Variants in PTPRN2 observed in about 807,000 individuals in gnomAD.
The protein encoded by PTPRN2 is receptor-type tyrosine-protein phosphatase N2.
Under a neutral mutation model 118.8 loss-of-function variants are expected in PTPRN2, and 74 were observed. That is an observed-to-expected ratio of 0.62 (90% CI 0.52 to 0.76). PTPRN2 has a LOEUF of 0.76. Among genes scored for constraint, PTPRN2 ranks in the 30% least tolerant of loss-of-function variants. PTPRN2 has a pLI of 0.00. For missense variants in PTPRN2, 1,481 were observed against 1,394.4 expected, an observed-to-expected ratio of 1.06 and a Z score of -0.99; for synonymous variants, 641 against 608.0, an observed-to-expected ratio of 1.05 and a Z score of -0.80.
chr7:158,472,632 G>A (rs1437005378), intron 2 of PTPRN2, among the ~76,000 whole-genome samples: 1 of 152,176 alleles, frequency 6.6e-6, no homozygotes, highest in Non-Finnish European at 1.5e-5. Context: ...CTCAGACCAT[G>A]AACATCACCC....
At chr7:158,018,365 C>A (rs1046687545) in intron 11 of PTPRN2, among the ~76,000 whole-genome samples, 6 of 149,520 alleles carry the variant, frequency 4.0e-5, no homozygotes, top group African/African-American at 1.5e-4. Context: ...AGAAGACAGG[C>A]GTAGCGTGCA....
intron 2 of PTPRN2, among the ~76,000 whole-genome samples, chr7:158,414,649 C>T (rs989265426): frequency 6.6e-6 from 1 of 152,264 alleles, no homozygotes. Context: ...AAAGCTGTCC[C>T]CACCGAGGTC....
At chr7:157,993,412 A>G (rs1804407476) in intron 11 of PTPRN2, among the ~76,000 whole-genome samples, 1 of 151,980 alleles carries the variant, frequency 6.6e-6, no homozygotes, top group African/African-American at 2.4e-5. Context: ...CAGAGCCAGG[A>G]CATACCCCAT....
chr7:158,499,837 G>T (rs1017572595), intron 1 of PTPRN2, among the ~76,000 whole-genome samples: 3 of 122,350 alleles, frequency 2.5e-5, no homozygotes, highest in Non-Finnish European at 5.6e-5. Flanking sequence ...ACCCTCCAGT[G>T]TGTGTATGTG....
chr7:158,524,489 T>C (rs538004747), intron 1 of PTPRN2, among the ~76,000 whole-genome samples: 32 of 125,506 alleles, frequency 2.5e-4, no homozygotes, highest in African/African-American at 8.0e-4. Context: ...TGGAGCGGAG[T>C]CTGCCCTGGA....
At chr7:157,911,856 C>T (rs552731223) in intron 11 of PTPRN2, among the ~76,000 whole-genome samples, 5 of 152,212 alleles carry the variant, frequency 3.3e-5, no homozygotes, top group African/African-American at 7.2e-5. Flanking sequence ...ATGTGCCTTC[C>T]GTCTTCTGCT....
In PTPRN2 at chr7:157,585,773, G is replaced by A. The variant is rs780165784; in HGVS notation, c.2497-7633C>T. ...GAGGGGAGGAGGAGTGGGGATGGGA[G>A]GAGCTGGCCGGAGGCTGGGAACCAA... On this transcript the variant is annotated intron_variant, in intron 17 of 22. Transcript: ENST00000389418. This position sits in a 1 kb window ranked among gnomAD's most constrained non-coding sequence, Gnocchi z 5.2. 2.4e-4 allele frequency among the ~76,000 whole-genome samples: 36 copies of A among 152,234 alleles called. No individual in the cohort carries two copies. Among genetic ancestry groups the A allele is most frequent in the Non-Finnish European group, 4.4e-4 (30 of 68,048 alleles).
At position 158,001,342 on chromosome 7, in the gene PTPRN2, A is replaced by G. The variant is rs1039974235; in HGVS notation, c.1723+79956T>C. On this transcript the variant is annotated intron_variant, in intron 11 of 22. Transcript: ENST00000389418. Reference sequence around the variant, plus strand: ...CTGTGCATGTCACAGAGGGGACCACACTCCACACTCACAGCAACCCAGAGG... The same window carrying G: ...CTGTGCATGTCACAGAGGGGACCACGCTCCACACTCACAGCAACCCAGAGG... 3.4e-4 allele frequency among the ~76,000 whole-genome samples: 28 copies of G among 82,752 alleles called. 1 individual carries two copies. The highest frequency in any genetic ancestry group is 6.9e-4 in the Admixed American group (5 of 7,282). 54.3% of individuals were successfully genotyped at this position (82,752 alleles called of 152,430 possible). A position where few individuals can be genotyped will look rare whatever the true frequency, so the allele number is the denominator to read the frequency against.
rs1585506984 is a variant in PTPRN2, at chr7:157,801,546, G to A, written c.1788+97127C>T. 6.6e-6 allele frequency among the ~76,000 whole-genome samples: 1 copy of A among 152,188 alleles called. No individual in the cohort carries two copies. The highest frequency in any genetic ancestry group is 1.5e-5 in the Non-Finnish European group (1 of 68,012). On this transcript the variant is annotated intron_variant, in intron 12 of 22. Transcript: ENST00000389418. This position sits in a 1 kb window ranked among gnomAD's most constrained non-coding sequence, Gnocchi z 4.2. ...TGCCCCACTGGGTTGAGAAATCTGTGGGTGATAGAGTATAGGTAAAAACAT... is the reference window on the plus strand; with the variant it reads ...TGCCCCACTGGGTTGAGAAATCTGTAGGTGATAGAGTATAGGTAAAAACAT...
intron 12 of PTPRN2, among the ~76,000 whole-genome samples, chr7:157,765,275 CCATT>C (rs1640412642): frequency 6.9e-6 from 1 of 144,766 alleles, no homozygotes; most frequent in African/African-American, 2.6e-5. Flanking sequence ...CATTCTTCCT[CCATT>C]CATCCACCCA....
At position 157,682,801 on chromosome 7, in the gene PTPRN2, C is replaced by A; in HGVS notation, c.1925G>T (p.Ser642Ile). ...ASGLIYCLRH[S>I]SQHRLKEKLS... ...CTTCTCCTTCAGCCTGTGCTGAGAG[C>A]TATGGCGGAGGCAGTAGATGAGGCC... The change falls in exon 13 of 23, where the codon AGC becomes ATC. Residue 642 changes from serine to isoleucine, a missense_variant. Ser to Ile is a moderately radical substitution (Grantham distance 142). This residue lies in a region of PTPRN2 where 1,115 missense variants were observed against 994.2 expected (regional missense o/e 1.12). Transcript: ENST00000389418. 2 of 1,614,120 alleles carry A rather than the reference C, an allele frequency of 1.2e-6. No individual in the cohort carries two copies. The highest frequency in any genetic ancestry group is 1.7e-6 in the Non-Finnish European group (2 of 1,180,046).
intron 11 of PTPRN2, among the ~76,000 whole-genome samples, chr7:158,011,529 T>C (rs1410939982): frequency 2.6e-5 from 4 of 152,062 alleles, no homozygotes; most frequent in African/African-American, 9.7e-5. Flanking sequence ...CCATATTAAG[T>C]GGTAGAAAAT....
intron 17 of PTPRN2, among the ~76,000 whole-genome samples, chr7:157,586,394 G>A (rs1406839431): frequency 6.6e-6 from 1 of 152,170 alleles, no homozygotes; most frequent in Non-Finnish European, 1.5e-5. Context: ...CCAGGGGGTG[G>A]AACAGGATGA....
intron 12 of PTPRN2, among the ~76,000 whole-genome samples, chr7:157,691,989 C>T (rs1008659814): frequency 1.3e-5 from 2 of 152,238 alleles, no homozygotes; most frequent in African/African-American, 4.8e-5. Flanking sequence ...TGAAACCCAA[C>T]ATCTGTGTGT....
intron 11 of PTPRN2, among the ~76,000 whole-genome samples, chr7:157,949,410 A>C (rs1016315402): frequency 6.6e-6 from 1 of 152,186 alleles, no homozygotes; most frequent in Non-Finnish European, 1.5e-5. Context: ...TTCCCTATTT[A>C]TTTGCCTCTC....
chr7:157,774,796 A>G (rs1258787456), intron 12 of PTPRN2, among the ~76,000 whole-genome samples: 1 of 152,192 alleles, frequency 6.6e-6, no homozygotes, highest in African/African-American at 2.4e-5. Flanking sequence ...TGAGGGGACC[A>G]GTCCGAGTGG....
intron 9 of PTPRN2, among the ~76,000 whole-genome samples, chr7:158,129,106 ACAC>A (rs1401889663): frequency 6.6e-6 from 1 of 151,700 alleles, no homozygotes; most frequent in Non-Finnish European, 1.5e-5. Context: ...TACACACCAC[ACAC>A]AACACATAAA....
At chr7:158,385,870 C>CCCCTCCTCCCATGCCCCGAGT (rs1811294008) in intron 2 of PTPRN2, among the ~76,000 whole-genome samples, 1 of 141,680 alleles carries the variant, frequency 7.1e-6, no homozygotes, top group African/African-American at 2.9e-5. Flanking sequence ...AGCAGATGTG[C>CCCCTCCTCCCATGCCCCGAGT]CCCTCCTCCC....
chr7:158,098,366 G>A (rs1055982801), intron 10 of PTPRN2, among the ~76,000 whole-genome samples: 2 of 152,244 alleles, frequency 1.3e-5, no homozygotes, highest in African/African-American at 2.4e-5. Flanking sequence ...AGGGACGGGC[G>A]GCGGGACTCA....
Sources: allele counts gnomAD v4.1 joint callset (sites outside exome capture counted in the v4.1 genomes callset), GRCh38; gene constraint gnomAD v4.1.1; regional missense constraint gnomAD v4.1.1; non-coding constraint Gnocchi (gnomAD v3.1); transcripts MANE v1.5; gene names NCBI Gene and HGNC (gene_info 2026-07-23, HGNC 2026-07-21).